SLAIN1: variants seen among roughly 807,000 people sequenced by gnomAD.
SLAIN1 encodes the protein SLAIN family member 1.
In SLAIN1, 17 loss-of-function variants were observed where a neutral mutation model predicts 55.4. The ratio of observed to expected loss-of-function variants is 0.31; its 90% CI spans 0.21 to 0.46. The LOEUF is 0.46. SLAIN1 is among the 20% of genes least tolerant of loss of function. SLAIN1 has a pLI of 1.00. For synonymous variants in SLAIN1, 348 were observed against 337.4 expected (o/e 1.03, Z -0.35); for missense variants, 682 against 785.1 (o/e 0.87, Z 1.57).
At chr13:77,700,973 AT>A (rs1400672067) in intron 1 of SLAIN1, among the ~76,000 whole-genome samples, 1 of 152,196 alleles carries the variant, frequency 6.6e-6, no homozygotes, top group African/African-American at 2.4e-5. Context: ...AGATAAAAAA[AT>A]ATAATTACAA....
intron 6 of SLAIN1, among the ~76,000 whole-genome samples, chr13:77,762,893 C>T (rs967871323): frequency 6.6e-6 from 1 of 152,038 alleles, no homozygotes; most frequent in African/African-American, 2.4e-5. Context: ...AGGGTATTGG[C>T]CCCTTTATTT....
chr13:77,716,050 A>C (rs928523394), intron 1 of SLAIN1, among the ~76,000 whole-genome samples: 1 of 151,910 alleles, frequency 6.6e-6, no homozygotes, highest in Non-Finnish European at 1.5e-5. Context: ...TTACTGTTTC[A>C]AGTTTTACAT....
rs1373372991 is a variant in SLAIN1 at position 77,746,691 on chromosome 13, C to T, written c.1094C>T (p.Ser365Phe). Residue 365 changes from serine to phenylalanine, a missense_variant, in exon 4 of 7, where the codon TCC becomes TTC. Transcript: ENST00000418532. ...PPPQPRLPRCSPFQRGIPHSQ... is the reference protein window; with the variant it reads ...PPPQPRLPRCFPFQRGIPHSQ... ...CCTCAGCCTCGTCTTCCAAGATGTT[C>T]CCCTTTCCAAAGAGGAATTCCCCAT... 1.2e-6 allele frequency: 2 copies of T among 1,613,790 alleles called. No homozygotes were observed. Among genetic ancestry groups the T allele is most frequent in the East Asian group, 4.5e-5 (2 of 44,876 alleles).
At chr13:77,744,567 G>A in intron 3 of SLAIN1, 135 bp downstream of exon 3, 1 of 1,396,386 alleles carries the variant, frequency 7.2e-7, no homozygotes, top group East Asian at 2.5e-5. Context: ...TACTTTTTAG[G>A]TGGAGCCAGT....
At chr13:77,708,062 T>C (rs910841282) in intron 1 of SLAIN1, among the ~76,000 whole-genome samples, 1 of 152,066 alleles carries the variant, frequency 6.6e-6, no homozygotes, top group Admixed American at 6.6e-5. Context: ...TACCAGACAA[T>C]AGGAATTGGA....
chr13:77,716,021 T>C (rs990294772), intron 1 of SLAIN1, among the ~76,000 whole-genome samples: 2 of 152,154 alleles, frequency 1.3e-5, no homozygotes, highest in African/African-American at 4.8e-5. Context: ...ACTTTTACCT[T>C]TGGTTTCTTA....
chr13:77,698,648 C>T lies in SLAIN1; in HGVS notation c.626+109C>T, dbSNP rs1017540629. ...GGTCCCCTCGCGGCAGCCGGGGTGA[C>T]TCCCCGCGGCTCCCGGAGGGGCCGA... is the stretch of plus-strand genomic sequence containing the variant. On this transcript the variant is annotated intron_variant, in intron 1 of 6. Coordinates refer to ENST00000418532, the MANE Select transcript of SLAIN1 (RefSeq NM_001242868.2). The surrounding 1 kb of genome is among the most constrained non-coding windows in gnomAD (Gnocchi z 4.1). 4 of 1,294,884 alleles carry T rather than the reference C, an allele frequency of 3.1e-6. No individual in the cohort carries two copies. Among genetic ancestry groups the T allele is most frequent in the Non-Finnish European group, 3.9e-6 (4 of 1,020,720 alleles). The allele number at this position is 1,294,884 out of a possible 1,614,324, so 80.2% of individuals were successfully genotyped here.
In SLAIN1 at chr13:77,760,929, G is replaced by A. The variant is rs139320755; in HGVS notation, c.1516G>A (p.Val506Ile). The A allele has an allele frequency of 1.3e-4, 217 of 1,614,002 alleles. No homozygotes were observed. The highest frequency in any genetic ancestry group is 1.7e-4 in the Non-Finnish European group (200 of 1,180,024). ...AGCCACAGCCTATGTGAGTCCAACCGTTCAAGGCAGCAGTAACATGCCTTT... is the reference window on the plus strand; with the variant it reads ...AGCCACAGCCTATGTGAGTCCAACCATTCAAGGCAGCAGTAACATGCCTTT... ...LKATAYVSPT[V>I]QGSSNMPLSN... The change falls in exon 6 of 7, where the codon GTT (valine) becomes ATT (isoleucine). Residue 506 changes from valine (V) to isoleucine (I), a missense_variant. Val to Ile is a conservative substitution (Grantham distance 29). Coordinates refer to ENST00000418532, the MANE Select transcript of SLAIN1 (RefSeq NM_001242868.2).
chr13:77,701,013 G>GT lies in SLAIN1; in HGVS notation c.626+2482dup, dbSNP rs1009133900. On this transcript the variant is annotated intron_variant, in intron 1 of 6. Transcript: ENST00000418532. ...TCAATATACAAACATATACACATCA[G>GT]TTTTTTTTAACACTTGCCTTTCATT... Among the ~76,000 whole-genome samples, 50 of 151,970 alleles carry GT rather than the reference G, an allele frequency of 3.3e-4. No homozygotes were observed. In the East Asian group the frequency reaches 4.6e-3, roughly 14 times the overall value.
Position 77,698,108 on chromosome 13 carries a change from G to T in SLAIN1, c.195G>T (p.Pro65=). 6 of 1,060,174 alleles carry T rather than the reference G, an allele frequency of 5.7e-6. No homozygotes were observed. The highest frequency in any genetic ancestry group is 5.6e-6 in the Non-Finnish European group (5 of 899,430). The allele number at this position is 1,060,174 out of a possible 1,614,324, so 65.7% of individuals were successfully genotyped here. ...CGCACCTGCTGCTGCTGCCGCCGCC[G>T]CCGCCCGCCGCGCCGCCCCCCGCTG... ...AAPHLLLLPP[P]PPAAPPPAGL... The change falls in exon 1 of 7, where the codon CCG becomes CCT. Residue 65 remains proline, a synonymous_variant. Transcript: ENST00000418532. The surrounding 1 kb of genome is among the most constrained non-coding windows in gnomAD (Gnocchi z 4.1).
chr13:77,714,551 T>C (rs943070697), intron 1 of SLAIN1, among the ~76,000 whole-genome samples: 6 of 152,172 alleles, frequency 3.9e-5, no homozygotes, highest in Non-Finnish European at 7.3e-5. Context: ...AGGTCAAAGC[T>C]GCAGTGAGGT....
intron 1 of SLAIN1, among the ~76,000 whole-genome samples, chr13:77,701,519 TA>T (rs557274740): frequency 7.9e-5 from 12 of 151,700 alleles, no homozygotes; most frequent in Admixed American, 3.9e-4. Context: ...AGTAGTATCT[TA>T]AAAAAAACAG....
At chr13:77,760,706 G>A (rs2154411082) in intron 5 of SLAIN1, 122 bp from the exon 6 acceptor site, 3 of 1,020,822 alleles carry the variant, frequency 2.9e-6, no homozygotes, top group Admixed American at 2.3e-5. Flanking sequence ...CCTATATTCT[G>A]TTTTTCTCCT....
At chr13:77,703,706 T>G (rs1305806234) in intron 1 of SLAIN1, among the ~76,000 whole-genome samples, 1 of 151,850 alleles carries the variant, frequency 6.6e-6, no homozygotes, top group East Asian at 1.9e-4. Context: ...TCTAGTTTGA[T>G]CCTAGCAGGT....
rs548344234 is a variant in SLAIN1 at position 77,763,825 on chromosome 13, A to T, written c.*605A>T. ...GCAAAAACACATCATGCAATTTGAG[A>T]CACATAATTTTGTGTTGAATGAGCA... On this transcript the variant is annotated 3_prime_UTR_variant, in exon 7 of 7. Transcript: ENST00000418532. 2 of 152,808 alleles carry T rather than the reference A, an allele frequency of 1.3e-5. No individual in the cohort carries two copies. The highest frequency in any genetic ancestry group is 4.1e-4 in the South Asian group (2 of 4,830). 9.5% of individuals were successfully genotyped at this position (152,808 alleles called of 1,614,324 possible).
intron 1 of SLAIN1, among the ~76,000 whole-genome samples, chr13:77,702,085 A>G (rs1376513134): frequency 6.7e-6 from 1 of 150,126 alleles, no homozygotes; most frequent in Non-Finnish European, 1.5e-5. Flanking sequence ...TGTCCCTACA[A>G]AGGACATGAA....
At chr13:77,724,014 T>C (rs1004294719) in intron 2 of SLAIN1, among the ~76,000 whole-genome samples, 7 of 152,126 alleles carry the variant, frequency 4.6e-5, no homozygotes, top group Non-Finnish European at 8.8e-5. Context: ...TTGTAGGTGA[T>C]GGAGATGCAT....
chr13:77,740,133 A>G (rs1310756455), intron 2 of SLAIN1, among the ~76,000 whole-genome samples: 1 of 152,078 alleles, frequency 6.6e-6, no homozygotes, highest in Non-Finnish European at 1.5e-5. Context: ...TAAGGGTGGT[A>G]GTGAAATGAG....
chr13:77,712,304 G>T (rs2091159805), intron 1 of SLAIN1, among the ~76,000 whole-genome samples: 1 of 152,168 alleles, frequency 6.6e-6, no homozygotes, highest in Admixed American at 6.5e-5. Flanking sequence ...TGACATGATT[G>T]TATATTGAGA....
Sources: allele counts gnomAD v4.1 joint callset (sites outside exome capture counted in the v4.1 genomes callset), GRCh38; gene constraint gnomAD v4.1.1; non-coding constraint Gnocchi (gnomAD v3.1); transcripts MANE v1.5; gene names NCBI Gene and HGNC (gene_info 2026-07-23, HGNC 2026-07-21).